RELN: variants seen among roughly 807,000 people sequenced by gnomAD.
RELN encodes the protein reelin.
In RELN, 108 loss-of-function variants were observed where a neutral mutation model predicts 427.6. The observed-to-expected ratio is 0.25, with a 90% confidence interval of 0.22 to 0.30. The LOEUF (loss-of-function observed/expected upper bound fraction) is 0.30, where lower values mean the gene tolerates loss of function less well. Among genes scored for constraint, RELN ranks in the 10% least tolerant of loss-of-function variants. The pLI, the probability that RELN is intolerant of heterozygous loss-of-function variation, is 1.00. For missense variants in RELN, 3,715 were observed against 4,302.8 expected (o/e 0.86, Z 3.82); for synonymous variants, 1,524 against 1,513.4 (o/e 1.01, Z -0.16).
intron 1 of RELN, among the ~76,000 whole-genome samples, chr7:103,973,175 G>T (rs539347357): frequency 2.0e-5 from 3 of 152,204 alleles, no homozygotes; most frequent in Admixed American, 1.3e-4. Context: ...CCCATTTGGT[G>T]CATGTGACAG....
chr7:103,679,686 T>G (rs1302964630), intron 11 of RELN, among the ~76,000 whole-genome samples: 2 of 152,002 alleles, frequency 1.3e-5, no homozygotes, highest in African/African-American at 4.8e-5. Context: ...CAGGCATAAA[T>G]AGTTTTAGTT....
intron 10 of RELN, among the ~76,000 whole-genome samples, chr7:103,684,926 A>C (rs1008549324): frequency 1.3e-5 from 2 of 152,204 alleles, no homozygotes; most frequent in Non-Finnish European, 2.9e-5. Flanking sequence ...ATAGTCATTA[A>C]AATTCTTTGG....
At chr7:103,863,106 C>T (rs1375581139) in intron 2 of RELN, among the ~76,000 whole-genome samples, 1 of 152,064 alleles carries the variant, frequency 6.6e-6, no homozygotes, top group Non-Finnish European at 1.5e-5. Context: ...TCAAGAGAGA[C>T]TGAAACGAAT....
intron 6 of RELN, among the ~76,000 whole-genome samples, chr7:103,733,538 C>T (rs1162770388): frequency 6.8e-6 from 1 of 147,400 alleles, no homozygotes; most frequent in Non-Finnish European, 1.5e-5. Context: ...TTGGAACCAA[C>T]ACAAATGTCC....
intron 11 of RELN, among the ~76,000 whole-genome samples, chr7:103,668,985 GTCTTTT>G (rs1321710452): frequency 6.6e-6 from 1 of 152,064 alleles, no homozygotes; most frequent in Non-Finnish European, 1.5e-5. Context: ...GAGATTAGTA[GTCTTTT>G]TCTTTTATTT....
At chr7:103,494,660 AG>A (rs1562850500) in intron 57 of RELN, among the ~76,000 whole-genome samples, 1 of 151,082 alleles carries the variant, frequency 6.6e-6, no homozygotes, top group East Asian at 2.0e-4. Flanking sequence ...CTGGGATTAC[AG>A]GTGTTTGCAA....
intron 58 of RELN, among the ~76,000 whole-genome samples, 186 bp from the exon 59 acceptor site, chr7:103,491,015 C>T (rs1828632262): frequency 6.6e-6 from 1 of 152,152 alleles, no homozygotes; most frequent in South Asian, 2.1e-4. Flanking sequence ...AATATTCTGA[C>T]TCTTTAAAAG....
intron 2 of RELN, among the ~76,000 whole-genome samples, chr7:103,897,760 A>C (rs925699502): frequency 6.6e-6 from 1 of 152,078 alleles, no homozygotes; most frequent in Non-Finnish European, 1.5e-5. Context: ...TAAAGAAACC[A>C]AAACTGGAAA....
intron 16 of RELN, among the ~76,000 whole-genome samples, chr7:103,647,232 T>C (rs1024894925): frequency 2.0e-5 from 3 of 151,684 alleles, no homozygotes; most frequent in African/African-American, 4.8e-5. Flanking sequence ...GACAAAGAAA[T>C]AAAAGGCACC....
chr7:103,594,387 A>C lies in RELN; in HGVS notation c.3645T>G (p.Asp1215Glu). Residue 1215 changes from aspartate to glutamate, a missense_variant, in exon 26 of 65, where the codon GAT becomes GAG. Transcript: ENST00000428762. ...GCTTCTCGGACAGAATGATGATGTC[A>C]TCGACTGCCCACTGGTCATAGTCCT... ...SGEDYDQWAV[D>E]DIIILSEKQK... The C allele has an allele frequency of 6.2e-7, 1 of 1,614,084 alleles. No individual in the cohort carries two copies. Among genetic ancestry groups the C allele is most frequent in the Non-Finnish European group, 8.5e-7 (1 of 1,179,944 alleles).
At chr7:103,528,462 G>A (rs1829870228) in intron 46 of RELN, among the ~76,000 whole-genome samples, 1 of 148,374 alleles carries the variant, frequency 6.7e-6, no homozygotes, top group Non-Finnish European at 1.5e-5. Flanking sequence ...ACACTGTGGT[G>A]ATGGTTTCAA....
intron 2 of RELN, among the ~76,000 whole-genome samples, chr7:103,916,606 T>C (rs1795486690): frequency 6.6e-6 from 1 of 152,164 alleles, no homozygotes; most frequent in Non-Finnish European, 1.5e-5. Context: ...ATAGGATTCT[T>C]CTAAGAATAC....
chr7:103,916,758 G>A (rs541684480), intron 2 of RELN, among the ~76,000 whole-genome samples: 37 of 152,150 alleles, frequency 2.4e-4, no homozygotes, highest in Non-Finnish European at 4.6e-4. Context: ...TGATTGCGTG[G>A]ACATCAGAGC....
intron 10 of RELN, among the ~76,000 whole-genome samples, chr7:103,695,981 A>C (rs535353671): frequency 2.5e-4 from 38 of 152,290 alleles, no homozygotes; most frequent in African/African-American, 9.1e-4. Context: ...AATCAAAGCA[A>C]CATGACTAGG....
At chr7:103,790,991 A>G (rs1206843817) in intron 3 of RELN, among the ~76,000 whole-genome samples, 2 of 152,128 alleles carry the variant, frequency 1.3e-5, no homozygotes, top group Admixed American at 1.3e-4. Flanking sequence ...AAAACCAAAA[A>G]AAGACAGAAA....
intron 3 of RELN, among the ~76,000 whole-genome samples, chr7:103,802,104 C>T (rs185294269): frequency 2.2e-4 from 33 of 152,160 alleles, no homozygotes; most frequent in African/African-American, 7.5e-4. Flanking sequence ...TCCTCTTGGT[C>T]AGAAGGTTGT....
chr7:103,908,583 T>C (rs181264109), intron 2 of RELN, among the ~76,000 whole-genome samples: 7 of 152,320 alleles, frequency 4.6e-5, no homozygotes, highest in African/African-American at 1.7e-4. Flanking sequence ...TCAAATCTCA[T>C]GCCCTTGAAT....
chr7:103,576,949 C>T (rs1033758871), intron 28 of RELN, among the ~76,000 whole-genome samples: 2 of 152,158 alleles, frequency 1.3e-5, no homozygotes, highest in African/African-American at 4.8e-5. Flanking sequence ...AACACGTGCA[C>T]ACACGCACAC....
intron 1 of RELN, among the ~76,000 whole-genome samples, chr7:103,938,429 G>C (rs1164644043): frequency 6.6e-6 from 1 of 152,036 alleles, no homozygotes; most frequent in Non-Finnish European, 1.5e-5. Context: ...TTCATATACT[G>C]AATAGCCAAC....
Sources: allele counts gnomAD v4.1 joint callset (sites outside exome capture counted in the v4.1 genomes callset), GRCh38; gene constraint gnomAD v4.1.1; transcripts MANE v1.5; gene names NCBI Gene and HGNC (gene_info 2026-07-23, HGNC 2026-07-21).